ASTN2: variants seen among roughly 807,000 people sequenced by gnomAD.
The protein encoded by ASTN2 is astrotactin 2, also known as astrotactin-2.
ASTN2 carries 54 observed loss-of-function variants against 139.8 expected under a neutral mutation model. The ratio of observed to expected loss-of-function variants is 0.39; its 90% CI spans 0.31 to 0.48. ASTN2 has a LOEUF of 0.48. ASTN2 is among the 20% of genes least tolerant of loss of function. The pLI is 0.95. For synonymous variants in ASTN2, 756 were observed against 719.5 expected (o/e 1.05, Z -0.81); for missense variants, 1,565 against 1,725.1 (o/e 0.91, Z 1.64).
In ASTN2 at chr9:117,025,287, C is replaced by T. The variant is rs964061392; in HGVS notation, c.1423+14532G>A. Among the ~76,000 whole-genome samples the T allele has an allele frequency of 5.9e-5, 9 of 152,166 alleles. No individual in the cohort carries two copies. In the South Asian group the frequency reaches 1.9e-3, roughly 32 times the overall value. ...TAGTTTCTGGCTCTAACATTCTACACTTTAGAAAACTGCCAACTAGCTACT... is the reference window on the plus strand; with the variant it reads ...TAGTTTCTGGCTCTAACATTCTACATTTTAGAAAACTGCCAACTAGCTACT... On this transcript the variant is annotated intron_variant, in intron 6 of 22. Coordinates refer to ENST00000313400, the MANE Select transcript of ASTN2 (RefSeq NM_001365068.1).
intron 7 of ASTN2, among the ~76,000 whole-genome samples, chr9:116,991,397 G>A (rs980351039): frequency 1.2e-4 from 18 of 152,074 alleles, no homozygotes; most frequent in Admixed American, 7.2e-4. Flanking sequence ...CTGTCATCAT[G>A]CCTTCCATTT....
At chr9:117,166,917 A>G (rs1019962021) in intron 3 of ASTN2, among the ~76,000 whole-genome samples, 1 of 152,028 alleles carries the variant, frequency 6.6e-6, no homozygotes, top group Non-Finnish European at 1.5e-5. Context: ...AGGGATAATT[A>G]TGTTGACAAC....
At position 117,349,888 on chromosome 9, in the gene ASTN2, G is replaced by A. The variant is rs1242612594; in HGVS notation, c.443-58375C>T. 2.0e-5 allele frequency among the ~76,000 whole-genome samples: 3 copies of A among 152,136 alleles called. No individual in the cohort carries two copies. In the South Asian group the frequency reaches 6.2e-4, roughly 32 times the overall value. ...TAAGATAATTTTTAAAGGAAAACCT[G>A]AGAGACTGTCACATAACAGAGGAAA... is the stretch of plus-strand genomic sequence containing the variant. On this transcript the variant is annotated intron_variant, in intron 1 of 22. Transcript: ENST00000313400.
intron 19 of ASTN2, among the ~76,000 whole-genome samples, chr9:116,516,234 C>G (rs973294069): frequency 6.6e-6 from 1 of 152,150 alleles, no homozygotes; most frequent in African/African-American, 2.4e-5. Flanking sequence ...CAAATATCTA[C>G]TGTTTCAGAC....
At chr9:117,016,613 T>TGTTAC (rs1395131964) in intron 6 of ASTN2, among the ~76,000 whole-genome samples, 575 of 4,514 alleles carry the variant, frequency 0.13, 66 homozygotes, top group African/African-American at 0.25. Context: ...TCTATATCTA[T>TGTTAC]ATCTATCTAT....
chr9:116,969,007 C>A (rs1231034052), intron 10 of ASTN2, among the ~76,000 whole-genome samples: 1 of 152,036 alleles, frequency 6.6e-6, no homozygotes, highest in Non-Finnish European at 1.5e-5. Flanking sequence ...TATCCAACAT[C>A]TATTTGCTAC....
At chr9:116,645,972 A>G (rs994274863) in intron 17 of ASTN2, among the ~76,000 whole-genome samples, 2 of 152,226 alleles carry the variant, frequency 1.3e-5, no homozygotes, top group Non-Finnish European at 2.9e-5. Context: ...TCACTATCAT[A>G]GATAACATTC....
At chr9:117,138,526 A>G (rs1830003368) in intron 4 of ASTN2, among the ~76,000 whole-genome samples, 1 of 152,234 alleles carries the variant, frequency 6.6e-6, no homozygotes, top group Non-Finnish European at 1.5e-5. Flanking sequence ...CAAGGTGCAG[A>G]GCTTGGATCA....
At chr9:116,808,386 C>A (rs1588310516) in intron 12 of ASTN2, among the ~76,000 whole-genome samples, 1 of 152,012 alleles carries the variant, frequency 6.6e-6, no homozygotes, top group Non-Finnish European at 1.5e-5. Context: ...CACATATGCA[C>A]ACACACATCT....
chr9:117,409,977 GGT>G (rs1332805886), intron 1 of ASTN2, among the ~76,000 whole-genome samples: 1 of 152,116 alleles, frequency 6.6e-6, no homozygotes, highest in African/African-American at 2.4e-5. Context: ...CCTTTGGGAT[GGT>G]CCTTTGGGAC....
intron 6 of ASTN2, among the ~76,000 whole-genome samples, chr9:117,014,239 C>T (rs544451473): frequency 1.3e-5 from 2 of 152,076 alleles, no homozygotes; most frequent in Non-Finnish European, 2.9e-5. Flanking sequence ...TACCCTTCTC[C>T]CAGGTCCACA....
At chr9:116,907,178 C>T (rs1406788981) in intron 10 of ASTN2, among the ~76,000 whole-genome samples, 1 of 152,074 alleles carries the variant, frequency 6.6e-6, no homozygotes, top group African/African-American at 2.4e-5. Flanking sequence ...GGAGTAGGAC[C>T]CACAGTGTGT....
intron 11 of ASTN2, among the ~76,000 whole-genome samples, chr9:116,845,862 C>T (rs1395090931): frequency 2.0e-5 from 3 of 152,120 alleles, no homozygotes; most frequent in Non-Finnish European, 4.4e-5. Flanking sequence ...CTAGCAATTG[C>T]ACTTCTGGAT....
chr9:116,998,409 G>A (rs1201270845), intron 7 of ASTN2, among the ~76,000 whole-genome samples: 1 of 152,162 alleles, frequency 6.6e-6, no homozygotes, highest in East Asian at 1.9e-4. Flanking sequence ...AGGTATCTCT[G>A]AGCAAGTCTT....
At chr9:116,831,982 T>C (rs1831827709) in intron 11 of ASTN2, among the ~76,000 whole-genome samples, 1 of 152,206 alleles carries the variant, frequency 6.6e-6, no homozygotes, top group East Asian at 1.9e-4. Flanking sequence ...ACGTGGCCCA[T>C]GCATATTTTG....
At chr9:116,681,908 A>C (rs1564202352) in intron 16 of ASTN2, among the ~76,000 whole-genome samples, 1 of 150,974 alleles carries the variant, frequency 6.6e-6, no homozygotes, top group Non-Finnish European at 1.5e-5. Flanking sequence ...GTTAGACCTA[A>C]AACCATAAAA....
At chr9:117,139,083 T>C (rs143674117) in intron 4 of ASTN2, among the ~76,000 whole-genome samples, 1 of 152,000 alleles carries the variant, frequency 6.6e-6, no homozygotes, top group East Asian at 1.9e-4. Context: ...GAGTCAAGAG[T>C]GTTTATGGAA....
At chr9:117,168,380 G>C (rs1333500310) in intron 3 of ASTN2, among the ~76,000 whole-genome samples, 3 of 152,108 alleles carry the variant, frequency 2.0e-5, no homozygotes, top group Non-Finnish European at 4.4e-5. Context: ...ATGACCTACG[G>C]TCACACACCT....
Position 117,214,581 on chromosome 9 carries a change from C to A in ASTN2, c.792G>T (p.Ala264=), listed in dbSNP as rs140932552. 1.8e-4 allele frequency: 294 copies of A among 1,608,396 alleles called. 5 individuals carry two copies. In the South Asian group the frequency reaches 3.0e-3, roughly 17 times the overall value. The change falls in exon 3 of 23, where the codon GCG becomes GCT. Residue 264 remains alanine (A), a synonymous_variant. Transcript: ENST00000313400. ...GCCGGGATGAACGGAAGCTCTCCCGCGCCTGGGGACCCAGCAGCACAGATG... is the reference window on the plus strand; with the variant it reads ...GCCGGGATGAACGGAAGCTCTCCCGAGCCTGGGGACCCAGCAGCACAGATG... ...YIPSVLLGPQ[A]RESFRSSRLQ...
Sources: gnomAD v4.1 joint callset for allele counts (sites outside exome capture counted in the v4.1 genomes callset) on GRCh38, gnomAD v4.1.1 for gene constraint, MANE v1.5 for transcripts, NCBI Gene and HGNC (gene_info 2026-07-23, HGNC 2026-07-21) for gene names.